Variants in FNDC3A observed in about 807,000 individuals in gnomAD.
FNDC3A encodes the protein fibronectin type III domain containing 3A.
FNDC3A carries 32 observed loss-of-function variants against 148.9 expected under a neutral mutation model. That is an observed-to-expected ratio of 0.21 (90% confidence interval 0.16 to 0.29). The LOEUF (loss-of-function observed/expected upper bound fraction) is 0.29. FNDC3A is among the 10% of genes least tolerant of loss of function. The probability of loss-of-function intolerance (pLI) is 1.00; values close to 1 mark genes in which losing one functional copy is unlikely to be tolerated. For missense variants in FNDC3A, 1,191 were observed against 1,452.8 expected (o/e 0.82, Z 2.93); for synonymous variants, 472 against 473.6 (o/e 1.00, Z 0.04).
At position 49,122,668 on chromosome 13, in the gene FNDC3A, A is replaced by G. The variant is rs182131546; in HGVS notation, c.252+7937A>G. Among the ~76,000 whole-genome samples, 141 of 152,318 alleles carry G rather than the reference A, an allele frequency of 9.3e-4. 1 individual carries two copies. The East Asian group carries it at 0.026, about 28-fold the overall frequency. On this transcript the variant is annotated intron_variant, in intron 4 of 25. Transcript: ENST00000492622. Reference sequence around the variant, plus strand: ...AGCAAAGTCTCAGGATACAAAATCAATGTGCAAAAATCACAAGCATTCCTA... The same window carrying G: ...AGCAAAGTCTCAGGATACAAAATCAGTGTGCAAAAATCACAAGCATTCCTA...
intron 3 of FNDC3A, among the ~76,000 whole-genome samples, chr13:49,106,993 A>C (rs1010354821): frequency 1.3e-5 from 2 of 152,224 alleles, no homozygotes; most frequent in Non-Finnish European, 2.9e-5. Context: ...AAAGGTAAGA[A>C]TAAACTCAAA....
rs1410385113 is a variant in FNDC3A at position 49,036,851 on chromosome 13, C to T, written c.99+30562C>T. Among the ~76,000 whole-genome samples, 5 of 152,090 alleles carry T rather than the reference C, an allele frequency of 3.3e-5. No homozygotes were observed. In the East Asian group the frequency reaches 9.6e-4, roughly 29 times the overall value. On this transcript the variant is annotated intron_variant, in intron 2 of 25. Coordinates refer to ENST00000492622, the MANE Select transcript of FNDC3A (RefSeq NM_001079673.2). ...TCACAGTCATAGTGGTTGAGAAGCC[C>T]TGTTAGGAAAATATTAGCAGAAATC...
chr13:49,046,253 TG>T (rs1363932366), intron 2 of FNDC3A: 2 of 157,110 alleles, frequency 1.3e-5, no homozygotes, highest in African/African-American at 4.8e-5. Flanking sequence ...GATGCTTTGT[TG>T]CCCTTAGTAA....
intron 23 of FNDC3A, among the ~76,000 whole-genome samples, chr13:49,199,026 A>AT (rs757168526): frequency 5.4e-4 from 79 of 147,222 alleles, no homozygotes; most frequent in Admixed American, 2.0e-3. Flanking sequence ...GCAGGACACA[A>AT]TTTTTTTTTT....
At chr13:49,033,401 C>T (rs1279729169) in intron 2 of FNDC3A, among the ~76,000 whole-genome samples, 2 of 151,912 alleles carry the variant, frequency 1.3e-5, no homozygotes, top group Admixed American at 6.6e-5. Context: ...TCAGTTGTAC[C>T]TTTAACATCC....
At chr13:49,059,398 A>G (rs1249451692) in intron 2 of FNDC3A, among the ~76,000 whole-genome samples, 3 of 152,244 alleles carry the variant, frequency 2.0e-5, no homozygotes, top group Admixed American at 1.3e-4. Context: ...TGTGCACCAA[A>G]GAACATTGTC....
chr13:49,158,432 G>T (rs987071183), intron 8 of FNDC3A, among the ~76,000 whole-genome samples: 2 of 152,214 alleles, frequency 1.3e-5, no homozygotes, highest in Non-Finnish European at 2.9e-5. Flanking sequence ...GCACTCCCTA[G>T]TGAGATGAAC....
chr13:48,997,169 T>G (rs1039134498), intron 1 of FNDC3A, among the ~76,000 whole-genome samples: 1 of 152,174 alleles, frequency 6.6e-6, no homozygotes, highest in African/African-American at 2.4e-5. Flanking sequence ...GTAATCCTGC[T>G]TTGCATTTTT....
intron 2 of FNDC3A, among the ~76,000 whole-genome samples, chr13:49,034,726 GAT>G (rs879562847): frequency 6.6e-6 from 1 of 151,956 alleles, no homozygotes; most frequent in Non-Finnish European, 1.5e-5. Context: ...TTATTAAAAA[GAT>G]AAATTAGTTT....
intron 10 of FNDC3A, among the ~76,000 whole-genome samples, chr13:49,169,645 G>A (rs1433779958): frequency 2.6e-5 from 4 of 152,216 alleles, no homozygotes; most frequent in African/African-American, 7.2e-5. Flanking sequence ...TTGGTTTGCA[G>A]TGAGATGTAA....
intron 4 of FNDC3A, among the ~76,000 whole-genome samples, chr13:49,130,603 T>G (rs1331881386): frequency 6.6e-6 from 1 of 152,182 alleles, no homozygotes; most frequent in Non-Finnish European, 1.5e-5. Context: ...ACTCTTTAGC[T>G]TGTCTAATCA....
intron 24 of FNDC3A, 151 bp from the exon 25 acceptor site, chr13:49,203,006 T>C (rs1886491705): frequency 1.7e-6 from 1 of 592,942 alleles, no homozygotes; most frequent in African/African-American, 1.9e-5. Flanking sequence ...TTAACCTCTT[T>C]GGATGCAAAT....
chr13:49,061,903 G>A (rs970024489), intron 2 of FNDC3A, among the ~76,000 whole-genome samples: 1 of 144,744 alleles, frequency 6.9e-6, no homozygotes, highest in African/African-American at 2.6e-5. Flanking sequence ...TTACAGGCAT[G>A]AGGTACCACA....
At chr13:49,093,456 C>T (rs548275233) in intron 3 of FNDC3A, among the ~76,000 whole-genome samples, 5 of 152,230 alleles carry the variant, frequency 3.3e-5, no homozygotes, top group Non-Finnish European at 7.4e-5. Flanking sequence ...GTGTTGTAAA[C>T]ACTCTACATG....
At position 48,980,871 on chromosome 13, in the gene FNDC3A, T is replaced by G. The variant is rs1289351939; in HGVS notation, c.-40+4694T>G. ...CATCAGTACATTCCATATATCAGGG[T>G]TAGTATTAGGTGCTGGAAAAAGTAC... On this transcript the variant is annotated intron_variant, in intron 1 of 25. Coordinates refer to ENST00000492622, the MANE Select transcript of FNDC3A (RefSeq NM_001079673.2). Among the ~76,000 whole-genome samples, 4 of 152,194 alleles carry G rather than the reference T, an allele frequency of 2.6e-5. No homozygotes were observed. In the East Asian group the frequency reaches 7.7e-4, roughly 29 times the overall value.
chr13:49,132,733 C>T (rs1165857936), intron 5 of FNDC3A, among the ~76,000 whole-genome samples: 1 of 152,206 alleles, frequency 6.6e-6, no homozygotes, highest in African/African-American at 2.4e-5. Flanking sequence ...TTTCTTGCCT[C>T]GGTCCCTGTG....
At chr13:49,090,596 A>G (rs879391374) in intron 3 of FNDC3A, among the ~76,000 whole-genome samples, 1 of 54,506 alleles carries the variant, frequency 1.8e-5, no homozygotes, top group South Asian at 5.7e-4. Flanking sequence ...GTGCCCCCCC[A>G]CCCCACCCCC....
chr13:49,027,126 A>C (rs1004892079), intron 2 of FNDC3A, among the ~76,000 whole-genome samples: 1 of 152,196 alleles, frequency 6.6e-6, no homozygotes, highest in Admixed American at 6.5e-5. Context: ...GGACAAACTA[A>C]AGGCTCATAG....
intron 4 of FNDC3A, among the ~76,000 whole-genome samples, chr13:49,128,969 A>G (rs916158787): frequency 7.9e-5 from 12 of 152,162 alleles, no homozygotes; most frequent in African/African-American, 2.7e-4. Flanking sequence ...CTTTCTCACA[A>G]CACTTCTAAT....
Sources: allele counts gnomAD v4.1 joint callset (sites outside exome capture counted in the v4.1 genomes callset), GRCh38; gene constraint gnomAD v4.1.1; transcripts MANE v1.5; gene names NCBI Gene and HGNC (gene_info 2026-07-23, HGNC 2026-07-21).